XKR9: variants seen among roughly 807,000 people sequenced by gnomAD.
The protein encoded by XKR9 is XK related 9, also known as XK-related protein 9.
In XKR9, 32 loss-of-function variants were observed where a neutral mutation model predicts 32.0. The observed-to-expected ratio is 1.00, with a 90% CI of 0.76 to 1.34. The LOEUF is 1.34. Among genes scored for constraint, XKR9 ranks in the 40% most tolerant of loss-of-function variants. XKR9 has a pLI of 0.00. For missense variants in XKR9, 546 were observed against 429.7 expected, an observed-to-expected ratio of 1.27 and a Z score of -2.39; for synonymous variants, 168 against 143.4, an observed-to-expected ratio of 1.17 and a Z score of -1.22.
chr8:70,840,067 T>C, the XKR9 span, among the ~76,000 whole-genome samples: 14 of 152,246 alleles, frequency 9.2e-5, no homozygotes, highest in African/African-American at 3.4e-4. Flanking sequence ...GTACTTTGAA[T>C]GTGGTCCCTG....
At chr8:70,780,986 A>T (rs1029143272) in intron 2 of XKR9, 1 of 151,930 alleles carries the variant, frequency 6.6e-6, no homozygotes, top group Non-Finnish European at 1.5e-5. Flanking sequence ...AAGTTCTGAT[A>T]ACCCACCATC....
At chr8:70,739,994 C>T (rs1200621081), downstream of XKR9, among the ~76,000 whole-genome samples, 1 of 152,108 alleles carries the variant, frequency 6.6e-6, no homozygotes, top group Non-Finnish European at 1.5e-5. Flanking sequence ...CTCTGTATTT[C>T]CTGTATGTGA....
At chr8:70,887,434 A>G in the XKR9 span, among the ~76,000 whole-genome samples, 1 of 152,154 alleles carries the variant, frequency 6.6e-6, no homozygotes, top group South Asian at 2.1e-4. Context: ...TATGAAATTT[A>G]AAGTAGTTTT....
At chr8:70,989,825 A>T in the XKR9 span, among the ~76,000 whole-genome samples, 1 of 152,236 alleles carries the variant, frequency 6.6e-6, no homozygotes, top group African/African-American at 2.4e-5. Context: ...GTATCCATTA[A>T]GCAGTAAGTT....
the XKR9 span, among the ~76,000 whole-genome samples, chr8:70,919,722 G>T: frequency 6.6e-6 from 1 of 151,912 alleles, no homozygotes; most frequent in African/African-American, 2.4e-5. Flanking sequence ...TTCCTCCCTG[G>T]GCCACCTGCC....
At chr8:70,915,411 A>T in the XKR9 span, among the ~76,000 whole-genome samples, 1 of 152,180 alleles carries the variant, frequency 6.6e-6, no homozygotes, top group Non-Finnish European at 1.5e-5. Context: ...TATAAACTAA[A>T]TTCCTGCTAT....
chr8:70,758,792 T>C (rs1272447750), intron 2 of XKR9, among the ~76,000 whole-genome samples: 1 of 152,202 alleles, frequency 6.6e-6, no homozygotes, highest in Non-Finnish European at 1.5e-5. Flanking sequence ...GTTTATATTA[T>C]CATCAACAGT....
intron 3 of XKR9, among the ~76,000 whole-genome samples, chr8:70,700,935 C>G (rs1317011861): frequency 2.6e-5 from 4 of 152,210 alleles, no homozygotes; most frequent in Non-Finnish European, 5.9e-5. Flanking sequence ...AGTTTGATCT[C>G]AGACTGCTGT....
chr8:70,863,357 T>C, the XKR9 span, among the ~76,000 whole-genome samples: 1 of 152,178 alleles, frequency 6.6e-6, no homozygotes, highest in Non-Finnish European at 1.5e-5. Flanking sequence ...GTCTAAAGGG[T>C]ACTATAGGTG....
downstream of XKR9, among the ~76,000 whole-genome samples, chr8:70,737,656 T>G: frequency 8.9e-6 from 1 of 112,962 alleles, no homozygotes; most frequent in African/African-American, 2.8e-5. Context: ...AATACCTAAT[T>G]TATTGAGAGT....
the XKR9 span, among the ~76,000 whole-genome samples, chr8:70,917,507 G>A: frequency 2.6e-3 from 397 of 152,038 alleles, 1 homozygote; most frequent in Admixed American, 4.6e-3. Flanking sequence ...GGGTTTATTT[G>A]GGTATTAAAT....
chr8:70,901,292 C>T, the XKR9 span, among the ~76,000 whole-genome samples: 4 of 152,186 alleles, frequency 2.6e-5, no homozygotes, highest in Non-Finnish European at 5.9e-5. Context: ...TAAAGTGTTC[C>T]TATTTCTCCA....
intron 3 of XKR9, among the ~76,000 whole-genome samples, chr8:70,693,348 A>G (rs1304745062): frequency 6.6e-6 from 1 of 152,068 alleles, no homozygotes; most frequent in Non-Finnish European, 1.5e-5. Flanking sequence ...TGGGGGTATG[A>G]TCCAGCAGAT....
At chr8:71,019,112 G>A in the XKR9 span, among the ~76,000 whole-genome samples, 1 of 152,084 alleles carries the variant, frequency 6.6e-6, no homozygotes. Flanking sequence ...GTGATCCAAG[G>A]GGGAAATACC....
the XKR9 span, among the ~76,000 whole-genome samples, chr8:71,057,829 A>T: frequency 6.6e-6 from 1 of 152,176 alleles, no homozygotes; most frequent in Non-Finnish European, 1.5e-5. Flanking sequence ...CAGAGGAAAG[A>T]ATGATCTGGT....
chr8:70,724,223 G>A (rs527696609), intron 4 of XKR9, among the ~76,000 whole-genome samples: 1 of 152,080 alleles, frequency 6.6e-6, no homozygotes, highest in Non-Finnish European at 1.5e-5. Flanking sequence ...AATGGCGCAC[G>A]CCTCTCCCTG....
At chr8:70,773,906 T>A (rs1164141809) in intron 2 of XKR9, among the ~76,000 whole-genome samples, 1 of 152,178 alleles carries the variant, frequency 6.6e-6, no homozygotes, top group Non-Finnish European at 1.5e-5. Context: ...TTCATGTAGA[T>A]TAAAAGTATG....
Position 70,681,330 on chromosome 8 carries a change from G to C in XKR9, c.272G>C (p.Arg91Thr). 2 of 1,610,572 alleles carry C rather than the reference G, an allele frequency of 1.2e-6. No homozygotes were observed. The highest frequency in any genetic ancestry group is 2.7e-5 in the African/African-American group (2 of 74,714). Reference protein sequence around the residue: ...LHCLQGGVFTRYWFALKRGYH... With the variant: ...LHCLQGGVFTTYWFALKRGYH... ...TGCTTGCAAGGAGGAGTTTTTACAA[G>C]GTGAGCATACATGTTTAATCATTAC... Residue 91 changes from arginine to threonine, a missense_variant and splice_region_variant, in exon 3 of 5, where the codon AGG becomes ACG. Arg to Thr is a moderately conservative substitution (Grantham distance 71). Transcript: ENST00000408926.
the XKR9 span, among the ~76,000 whole-genome samples, chr8:71,046,061 C>A: frequency 6.6e-6 from 1 of 152,120 alleles, no homozygotes; most frequent in Admixed American, 6.5e-5. Flanking sequence ...GACTTGTACT[C>A]CTACATGGAC....
Sources: allele counts gnomAD v4.1 joint callset (sites outside exome capture counted in the v4.1 genomes callset), GRCh38; gene constraint gnomAD v4.1.1; transcripts MANE v1.5; gene names NCBI Gene and HGNC (gene_info 2026-07-23, HGNC 2026-07-21).